CSMD1: variants seen among roughly 807,000 people sequenced by gnomAD.
The protein encoded by CSMD1 is CUB and sushi domain-containing protein 1.
In CSMD1, 213 loss-of-function variants were observed where a neutral mutation model predicts 417.5. The ratio of observed to expected loss-of-function variants is 0.51; its 90% confidence interval spans 0.46 to 0.57. CSMD1 has a LOEUF of 0.57. CSMD1 is among the 20% of genes least tolerant of loss of function. The pLI is 0.00. For missense variants in CSMD1, 6,923 were observed against 4,529.7 expected, an observed-to-expected ratio of 1.53 and a Z score of -15.17; for synonymous variants, 2,862 against 1,736.8, an observed-to-expected ratio of 1.65 and a Z score of -16.11.
At chr8:4,097,690 C>T (rs1801092690) in intron 3 of CSMD1, among the ~76,000 whole-genome samples, 1 of 152,136 alleles carries the variant, frequency 6.6e-6, no homozygotes, top group Admixed American at 6.5e-5. Flanking sequence ...AATTTTAGCC[C>T]TTGGAATTCA....
intron 7 of CSMD1, among the ~76,000 whole-genome samples, chr8:3,665,258 C>A (rs58997794): frequency 2.0e-5 from 3 of 151,948 alleles, no homozygotes; most frequent in African/African-American, 7.3e-5. Flanking sequence ...CAGTGGCTCA[C>A]ATCTGTAATT....
At chr8:4,437,152 C>T (rs1244462490) in intron 2 of CSMD1, among the ~76,000 whole-genome samples, 3 of 152,128 alleles carry the variant, frequency 2.0e-5, no homozygotes, top group Non-Finnish European at 2.9e-5. Context: ...TTAGAAATGG[C>T]AAATCCAATC....
chr8:4,667,132 G>T (rs992568674), intron 1 of CSMD1, among the ~76,000 whole-genome samples: 1 of 152,010 alleles, frequency 6.6e-6, no homozygotes, highest in Non-Finnish European at 1.5e-5. Context: ...GTGTTACCTT[G>T]TCCCCTTTCT....
chr8:3,560,624 T>C (rs977355177), intron 10 of CSMD1, among the ~76,000 whole-genome samples: 6 of 152,156 alleles, frequency 3.9e-5, no homozygotes, highest in African/African-American at 1.4e-4. Context: ...GGGAATGAGA[T>C]GGCGGGATGA....
chr8:4,890,081 C>A (rs1044087844), intron 1 of CSMD1, among the ~76,000 whole-genome samples: 1 of 152,102 alleles, frequency 6.6e-6, no homozygotes, highest in South Asian at 2.1e-4. Context: ...TCAGTTTATA[C>A]GTCAGAAACT....
intron 32 of CSMD1, among the ~76,000 whole-genome samples, chr8:3,200,426 A>G (rs908513880): frequency 1.3e-5 from 2 of 151,896 alleles, no homozygotes; most frequent in South Asian, 4.2e-4. Flanking sequence ...GTGGTGGTGC[A>G]TGCCTGTAAT....
At chr8:3,559,682 T>C (rs1265327348) in intron 10 of CSMD1, among the ~76,000 whole-genome samples, 1 of 152,180 alleles carries the variant, frequency 6.6e-6, no homozygotes, top group Non-Finnish European at 1.5e-5. Flanking sequence ...TTGACTGTAT[T>C]ATATCATGTT....
intron 12 of CSMD1, among the ~76,000 whole-genome samples, chr8:3,451,540 C>G (rs1417908446): frequency 6.6e-6 from 1 of 152,124 alleles, no homozygotes; most frequent in Non-Finnish European, 1.5e-5. Context: ...ATATAGCTAG[C>G]CAGTTTTCCC....
At position 3,887,483 on chromosome 8, in the gene CSMD1, C is replaced by T. The variant is rs572140019; in HGVS notation, c.818+110420G>A. Among the ~76,000 whole-genome samples, 4 of 152,300 alleles carry T rather than the reference C, an allele frequency of 2.6e-5. No homozygotes were observed. The East Asian group carries it at 7.7e-4, about 29-fold the overall frequency. On this transcript the variant is annotated intron_variant, in intron 5 of 69. Coordinates refer to ENST00000635120, the MANE Select transcript of CSMD1 (RefSeq NM_033225.6). The stretch of plus-strand genomic sequence containing the variant: ...AATTTTGTTCTAGGCGTCCAGTTCT[C>T]ACCTCTGGCTGAACATTAGAGTTGC...
intron 2 of CSMD1, among the ~76,000 whole-genome samples, chr8:4,499,159 A>AG (rs1203365295): frequency 1.3e-5 from 2 of 152,220 alleles, no homozygotes; most frequent in African/African-American, 4.8e-5. Context: ...ACCAACAGGA[A>AG]GATGCCATCA....
chr8:4,780,529 A>G (rs757717016), intron 1 of CSMD1, among the ~76,000 whole-genome samples: 3 of 152,076 alleles, frequency 2.0e-5, no homozygotes, highest in Non-Finnish European at 2.9e-5. Context: ...ACCTGCCTTG[A>G]TGTTTTGTGC....
intron 7 of CSMD1, among the ~76,000 whole-genome samples, chr8:3,633,905 A>G (rs769042256): frequency 6.6e-6 from 1 of 152,258 alleles, no homozygotes; most frequent in Non-Finnish European, 1.5e-5. Flanking sequence ...ACTATTTAAA[A>G]TGCATAGGGC....
intron 12 of CSMD1, among the ~76,000 whole-genome samples, chr8:3,459,989 T>A (rs1306524851): frequency 6.6e-6 from 1 of 152,118 alleles, no homozygotes; most frequent in African/African-American, 2.4e-5. Flanking sequence ...ATTTTGCACA[T>A]CTCTAAGGAT....
At position 3,575,063 on chromosome 8, in the gene CSMD1, C is replaced by G; in HGVS notation, c.1226G>C (p.Arg409Thr). 3 of 1,612,626 alleles carry G rather than the reference C, an allele frequency of 1.9e-6. No homozygotes were observed. Among genetic ancestry groups the G allele is most frequent in the Non-Finnish European group, 2.5e-6 (3 of 1,179,308 alleles). Residue 409 changes from arginine (R) to threonine (T), a missense_variant, in exon 10 of 70, where the codon AGA (arginine) becomes ACA (threonine). By Grantham distance (71) the Arg-to-Thr change is moderately conservative. Coordinates refer to ENST00000635120, the MANE Select transcript of CSMD1 (RefSeq NM_033225.6). The stretch of plus-strand genomic sequence containing the variant: ...CCCACGCAGATTGGATCCACATGTT[C>G]TCGCTGGAAACACATAGAAACGACG... ...WSDHRPICRARTCGSNLRGPS... is the reference protein window; with the variant it reads ...WSDHRPICRATTCGSNLRGPS...
chr8:4,011,129 C>A (rs945207867), intron 4 of CSMD1, among the ~76,000 whole-genome samples: 15 of 152,162 alleles, frequency 9.9e-5, no homozygotes, highest in African/African-American at 3.4e-4. Context: ...ATTATGTAAT[C>A]TATAACCTTC....
intron 3 of CSMD1, among the ~76,000 whole-genome samples, chr8:4,123,067 G>C (rs938106939): frequency 4.2e-4 from 64 of 152,262 alleles, no homozygotes; most frequent in African/African-American, 1.2e-3. Flanking sequence ...TAAAAGCTTT[G>C]ATGCTTTCAT....
intron 51 of CSMD1, among the ~76,000 whole-genome samples, chr8:3,026,185 G>C (rs1416850299): frequency 6.6e-6 from 1 of 152,208 alleles, no homozygotes; most frequent in Non-Finnish European, 1.5e-5. Flanking sequence ...GGACTCAGGA[G>C]AGGGCCTGGT....
chr8:4,693,482 A>G (rs998661482), intron 1 of CSMD1, among the ~76,000 whole-genome samples: 2 of 152,086 alleles, frequency 1.3e-5, no homozygotes, highest in Non-Finnish European at 2.9e-5. Context: ...CTATGTGGGG[A>G]CATTAGTCCT....
chr8:4,168,682 T>C (rs939514147), intron 3 of CSMD1, among the ~76,000 whole-genome samples: 6 of 152,152 alleles, frequency 3.9e-5, no homozygotes, highest in Non-Finnish European at 8.8e-5. Flanking sequence ...TTTTAAAAAA[T>C]GCTGTTATTA....
Sources: gnomAD v4.1 joint callset for allele counts (sites outside exome capture counted in the v4.1 genomes callset) on GRCh38, gnomAD v4.1.1 for gene constraint, MANE v1.5 for transcripts, NCBI Gene and HGNC (gene_info 2026-07-23, HGNC 2026-07-21) for gene names.